Variants in LAMA2 observed in about 807,000 individuals in gnomAD.
LAMA2 encodes laminin subunit alpha 2.
In LAMA2, 269 loss-of-function variants were observed where a neutral mutation model predicts 364.8. That is an observed-to-expected ratio of 0.74 (90% confidence interval 0.67 to 0.82). The LOEUF (loss-of-function observed/expected upper bound fraction) is 0.82, where lower values mean the gene tolerates loss of function less well. LAMA2 is among the 40% of genes least tolerant of loss of function. The probability of loss-of-function intolerance (pLI) is 0.00; values close to 1 mark genes in which losing one functional copy is unlikely to be tolerated. For synonymous variants in LAMA2, 1,379 were observed against 1,370.6 expected (o/e 1.01, Z -0.14); for missense variants, 3,807 against 3,873.2 (o/e 0.98, Z 0.45).
chr6:129,516,067 C>CACTA (rs745624260), intron 64 of LAMA2, 123 bp from the exon 65 acceptor site: 132 of 1,126,412 alleles, frequency 1.2e-4, no homozygotes, highest in Middle Eastern at 5.3e-4. Flanking sequence ...AAAACAAAAC[C>CACTA]ACTAACTTTG....
chr6:129,159,190 T>C, intron 8 of LAMA2: 1 of 1,261,810 alleles, frequency 7.9e-7, no homozygotes, highest in Non-Finnish European at 1.2e-6. Context: ...CCAATTTAAA[T>C]GACTGTCATT....
intron 11 of LAMA2, 47 bp downstream of exon 11, chr6:129,190,392 T>C (rs1385405001): frequency 1.3e-6 from 2 of 1,597,348 alleles, no homozygotes; most frequent in Admixed American, 3.4e-5. Context: ...GCAGCCTTCT[T>C]TGTTGCTTTC....
At chr6:129,459,976 C>A (rs981705327) in intron 48 of LAMA2, among the ~76,000 whole-genome samples, 1 of 151,970 alleles carries the variant, frequency 6.6e-6, no homozygotes, top group Non-Finnish European at 1.5e-5. Context: ...AATCAGCATT[C>A]GTGGATTAAA....
intron 56 of LAMA2, among the ~76,000 whole-genome samples, chr6:129,489,612 G>A (rs1784761447): frequency 6.6e-6 from 1 of 152,158 alleles, no homozygotes; most frequent in African/African-American, 2.4e-5. Flanking sequence ...ACAGAAATAG[G>A]CTAAAGGTCA....
intron 1 of LAMA2, among the ~76,000 whole-genome samples, chr6:128,903,785 G>T (rs1349122289): frequency 6.6e-6 from 1 of 152,196 alleles, no homozygotes; most frequent in Non-Finnish European, 1.5e-5. Flanking sequence ...TTCCTGGATT[G>T]TATGTTTCTG....
At chr6:129,252,660 GT>G (rs1786354939) in intron 14 of LAMA2, among the ~76,000 whole-genome samples, 1 of 152,142 alleles carries the variant, frequency 6.6e-6, no homozygotes, top group East Asian at 1.9e-4. Flanking sequence ...TTGGAAAGTG[GT>G]TTTTAAAATA....
chr6:129,123,132 G>A (rs1451973716), intron 4 of LAMA2, among the ~76,000 whole-genome samples: 2 of 151,750 alleles, frequency 1.3e-5, no homozygotes, highest in Non-Finnish European at 2.9e-5. Context: ...GTGAAACCCT[G>A]TCTCTACTAA....
In LAMA2 at chr6:129,314,678, T is replaced by C; in HGVS notation, c.3435T>C (p.Cys1145=). Residue 1145 remains cysteine (C), a synonymous_variant, in exon 24 of 65, where the codon TGT becomes TGC. Coordinates refer to ENST00000421865, the MANE Select transcript of LAMA2 (RefSeq NM_000426.4). ...TCKVNVEGIH[C]DRCRPGKFGL... is the part of the protein sequence containing the mutation. Reference sequence around the variant, plus strand: ...AGGTGAATGTGGAAGGCATCCACTGTGACAGATGCCGGCCTGGCAAATTCG... The same window carrying C: ...AGGTGAATGTGGAAGGCATCCACTGCGACAGATGCCGGCCTGGCAAATTCG... The C allele has an allele frequency of 6.2e-7, 1 of 1,613,696 alleles. No homozygotes were observed. Among genetic ancestry groups the C allele is most frequent in the South Asian group, 1.1e-5 (1 of 91,040 alleles).
chr6:129,445,564 C>T, intron 44 of LAMA2, 103 bp from the exon 45 acceptor site: 1 of 982,866 alleles, frequency 1.0e-6, no homozygotes, highest in Non-Finnish European at 1.6e-6. Flanking sequence ...TGCTTTGTCA[C>T]ATTAATAAGA....
At chr6:129,035,106 G>A (rs1023984766) in intron 1 of LAMA2, among the ~76,000 whole-genome samples, 13 of 151,884 alleles carry the variant, frequency 8.6e-5, no homozygotes, top group Admixed American at 2.0e-4. Context: ...CACCAGCAGC[G>A]TATAAGCATT....
At chr6:129,071,427 G>A (rs889833666) in intron 3 of LAMA2, among the ~76,000 whole-genome samples, 1 of 151,780 alleles carries the variant, frequency 6.6e-6, no homozygotes, top group African/African-American at 2.4e-5. Context: ...TATATGTCTT[G>A]TTTTTTACTT....
In LAMA2 at chr6:128,934,496, C is replaced by CT. The variant is rs541227934; in HGVS notation, c.112+51146dup. Reference sequence around the variant, plus strand: ...GAACTGTTTTTTCTACATTTTCTTTCTTTTTTTCTTTCTTTTTTTTCTGAG... The same window carrying CT: ...GAACTGTTTTTTCTACATTTTCTTTCTTTTTTTTCTTTCTTTTTTTTCTGAG... On this transcript the variant is annotated intron_variant, in intron 1 of 64. Coordinates refer to ENST00000421865, the MANE Select transcript of LAMA2 (RefSeq NM_000426.4). Among the ~76,000 whole-genome samples, 180 of 144,518 alleles carry CT rather than the reference C, an allele frequency of 1.2e-3. 1 individual carries two copies. The highest frequency in any genetic ancestry group is 4.1e-3 in the African/African-American group (165 of 39,862). The allele number at this position is 144,518 out of a possible 152,430, so 94.8% of individuals were successfully genotyped here. A position where few individuals can be genotyped will look rare whatever the true frequency, so the allele number is the denominator to read the frequency against.
At chr6:129,431,592 G>A (rs1170175694) in intron 41 of LAMA2, among the ~76,000 whole-genome samples, 1 of 152,014 alleles carries the variant, frequency 6.6e-6, no homozygotes, top group African/African-American at 2.4e-5. Context: ...CCCCTGCACA[G>A]TTGAAAATCC....
intron 29 of LAMA2, among the ~76,000 whole-genome samples, chr6:129,329,984 A>G (rs1038198488): frequency 8.6e-5 from 13 of 151,914 alleles, no homozygotes; most frequent in Admixed American, 2.0e-4. Context: ...CACAAACCCT[A>G]TTGTGAACTG....
chr6:129,395,478 C>G (rs1779563456), intron 37 of LAMA2, among the ~76,000 whole-genome samples: 1 of 152,150 alleles, frequency 6.6e-6, no homozygotes, highest in African/African-American at 2.4e-5. Context: ...AAGACAAATT[C>G]TTGGACCCCA....
At chr6:129,111,201 G>A (rs892459223) in intron 4 of LAMA2, among the ~76,000 whole-genome samples, 1 of 151,934 alleles carries the variant, frequency 6.6e-6, no homozygotes, top group Admixed American at 6.6e-5. Context: ...CTAGCCTGAG[G>A]ATGTGTACTA....
intron 12 of LAMA2, among the ~76,000 whole-genome samples, chr6:129,207,388 A>G (rs1290223177): frequency 3.3e-5 from 5 of 152,176 alleles, no homozygotes; most frequent in Non-Finnish European, 5.9e-5. Context: ...AAAATTTCAG[A>G]ATAAAAATAT....
chr6:129,025,855 T>C (rs1338535977), intron 1 of LAMA2, among the ~76,000 whole-genome samples: 1 of 152,184 alleles, frequency 6.6e-6, no homozygotes. Flanking sequence ...GAACAAAGTA[T>C]ATGCTCTTTT....
chr6:129,029,681 C>A lies in LAMA2; in HGVS notation c.113-20237C>A, dbSNP rs376334948. ...TCATAACTGGAAAAAAACAGATATG[C>A]TCCGAAATATATGAATTGTGAGATA... On this transcript the variant is annotated intron_variant, in intron 1 of 64. Transcript: ENST00000421865. 3.3e-5 allele frequency among the ~76,000 whole-genome samples: 5 copies of A among 151,952 alleles called. No individual in the cohort carries two copies. The South Asian group carries it at 1.0e-3, about 32-fold the overall frequency.
Sources: gnomAD v4.1 joint callset for allele counts (sites outside exome capture counted in the v4.1 genomes callset) on GRCh38, gnomAD v4.1.1 for gene constraint, MANE v1.5 for transcripts, NCBI Gene and HGNC (gene_info 2026-07-23, HGNC 2026-07-21) for gene names.